The following ARHGAP10 variants were observed in gnomAD, a reference collection of about 807,000 sequenced individuals.
ARHGAP10 encodes the protein rho GTPase-activating protein 10.
A neutral mutation model predicts 108.6 loss-of-function variants in ARHGAP10; 87 were observed. The ratio of observed to expected loss-of-function variants is 0.80; its 90% CI spans 0.67 to 0.96. The LOEUF (loss-of-function observed/expected upper bound fraction) is 0.96. ARHGAP10 is among the 40% of genes least tolerant of loss of function. The pLI is 0.00. For missense variants in ARHGAP10, 939 were observed against 954.5 expected, an observed-to-expected ratio of 0.98 and a Z score of 0.21; for synonymous variants, 347 against 341.1, an observed-to-expected ratio of 1.02 and a Z score of -0.19.
At chr4:147,882,008 C>T in intron 10 of ARHGAP10, 76 bp downstream of exon 10, 1 of 1,335,592 alleles carries the variant, frequency 7.5e-7, no homozygotes, top group South Asian at 1.2e-5. Flanking sequence ...AGGTTAGTTG[C>T]AACTGTGATT....
chr4:148,000,735 G>A (rs1740683189), intron 18 of ARHGAP10, among the ~76,000 whole-genome samples: 1 of 152,214 alleles, frequency 6.6e-6, no homozygotes, highest in African/African-American at 2.4e-5. Context: ...CTTTTGAGAA[G>A]TGTCTGTTCG....
At chr4:147,992,038 C>T (rs1049931279) in intron 18 of ARHGAP10, among the ~76,000 whole-genome samples, 13 of 152,158 alleles carry the variant, frequency 8.5e-5, no homozygotes, top group South Asian at 2.1e-4. Flanking sequence ...GTGGCCATTA[C>T]GGGTTAAGGA....
At chr4:147,781,168 C>T (rs1027577998) in intron 1 of ARHGAP10, among the ~76,000 whole-genome samples, 1 of 152,016 alleles carries the variant, frequency 6.6e-6, no homozygotes, top group African/African-American at 2.4e-5. Flanking sequence ...ACCATTCTGG[C>T]TAACATGGTG....
intron 22 of ARHGAP10, among the ~76,000 whole-genome samples, chr4:148,068,405 T>C (rs1729998297): frequency 6.6e-6 from 1 of 152,098 alleles, no homozygotes; most frequent in Admixed American, 6.5e-5. Flanking sequence ...TGGAAAACAA[T>C]TTGGCATTAT....
intron 1 of ARHGAP10, among the ~76,000 whole-genome samples, chr4:147,737,301 C>T (rs929733140): frequency 1.3e-5 from 2 of 151,750 alleles, no homozygotes; most frequent in Non-Finnish European, 2.9e-5. Flanking sequence ...CGGGCACGCG[C>T]CACCATGCCC....
intron 19 of ARHGAP10, among the ~76,000 whole-genome samples, chr4:148,038,502 T>C (rs918352255): frequency 3.3e-5 from 5 of 152,208 alleles, no homozygotes; most frequent in African/African-American, 1.2e-4. Flanking sequence ...AGGTGTTGAT[T>C]CTTGAGGGTA....
chr4:147,870,928 C>CTATGTG (rs980899526), intron 7 of ARHGAP10, among the ~76,000 whole-genome samples: 5 of 139,156 alleles, frequency 3.6e-5, no homozygotes, highest in African/African-American at 1.3e-4. Context: ...AAACTACAGA[C>CTATGTG]TGTGTGTGTG....
intron 10 of ARHGAP10, among the ~76,000 whole-genome samples, chr4:147,886,271 A>G (rs1735553761): frequency 6.6e-6 from 1 of 152,226 alleles, no homozygotes; most frequent in Non-Finnish European, 1.5e-5. Context: ...TGGTAATTTC[A>G]GTATGGCTTC....
At chr4:148,043,652 T>TATATATATATATA (rs1728740400) in intron 19 of ARHGAP10, among the ~76,000 whole-genome samples, 2 of 111,664 alleles carry the variant, frequency 1.8e-5, no homozygotes, top group Non-Finnish European at 3.8e-5. Flanking sequence ...TATATATATA[T>TATATATATATATA]TTTAGGTGTA....
chr4:148,005,772 G>A (rs1480376809), intron 18 of ARHGAP10, among the ~76,000 whole-genome samples: 1 of 152,118 alleles, frequency 6.6e-6, no homozygotes, highest in Non-Finnish European at 1.5e-5. Context: ...CTTGTCCTTC[G>A]ATGACAAAAA....
chr4:147,963,032 C>G (rs17579683), intron 16 of ARHGAP10, among the ~76,000 whole-genome samples: 2,494 of 152,228 alleles, frequency 0.016, 52 homozygotes, highest in South Asian at 0.09. Flanking sequence ...TTTTCCTATT[C>G]TAATCCATCC....
intron 16 of ARHGAP10, among the ~76,000 whole-genome samples, chr4:147,957,675 A>G (rs1738834782): frequency 6.6e-6 from 1 of 152,128 alleles, no homozygotes; most frequent in African/African-American, 2.4e-5. Flanking sequence ...GTGATGAGAT[A>G]GTTTCTTCTC....
intron 20 of ARHGAP10, among the ~76,000 whole-genome samples, chr4:148,053,902 GTTTTAT>G (rs1199726699): frequency 6.6e-6 from 1 of 152,112 alleles, no homozygotes; most frequent in African/African-American, 2.4e-5. Flanking sequence ...AAATTTGGAG[GTTTTAT>G]TTTTAAGTCA....
chr4:147,912,531 A>AAC (rs1250767433), intron 12 of ARHGAP10, among the ~76,000 whole-genome samples: 7 of 137,828 alleles, frequency 5.1e-5, no homozygotes, highest in African/African-American at 2.1e-4. Flanking sequence ...CAAAAACAAA[A>AAC]AACAAACAAA....
chr4:147,979,053 T>G (rs1198925719), intron 18 of ARHGAP10, among the ~76,000 whole-genome samples: 1 of 152,204 alleles, frequency 6.6e-6, no homozygotes, highest in East Asian at 1.9e-4. Flanking sequence ...GCAGAAGCCC[T>G]TTAGATTAAG....
At chr4:147,969,294 T>C (rs1361198132) in intron 18 of ARHGAP10, among the ~76,000 whole-genome samples, 1 of 151,736 alleles carries the variant, frequency 6.6e-6, no homozygotes, top group Non-Finnish European at 1.5e-5. Flanking sequence ...AAAAGCAGCT[T>C]GTTTATGGAT....
At position 147,889,170 on chromosome 4, in the gene ARHGAP10, T is replaced by G. The variant is rs929917376; in HGVS notation, c.1034+7238T>G. Among the ~76,000 whole-genome samples, 21 of 152,244 alleles carry G rather than the reference T, an allele frequency of 1.4e-4. 1 individual carries two copies. Among genetic ancestry groups the G allele is most frequent in the Non-Finnish European group, 2.6e-4 (18 of 68,030 alleles). On this transcript the variant is annotated intron_variant, in intron 10 of 22. Transcript: ENST00000336498. ...CTGTCAGTCAACTATCCTTTTCTTCTGCACCACACCGCTATACTGTGAGCT... is the reference window on the plus strand; with the variant it reads ...CTGTCAGTCAACTATCCTTTTCTTCGGCACCACACCGCTATACTGTGAGCT...
chr4:147,798,952 T>C lies in ARHGAP10; in HGVS notation c.155-23775T>C, dbSNP rs1731465545. ...TTCTCACAGCCTGCTTTCAAGCAGA[T>C]TTTTTTCTTTGTCTTTAGTTTTCAG... On this transcript the variant is annotated intron_variant, in intron 1 of 22. Coordinates refer to ENST00000336498, the MANE Select transcript of ARHGAP10 (RefSeq NM_024605.4). 2.0e-5 allele frequency among the ~76,000 whole-genome samples: 3 copies of C among 151,766 alleles called. No individual in the cohort carries two copies. The South Asian group carries it at 6.2e-4, about 31-fold the overall frequency.
At chr4:147,793,279 A>C (rs997143326) in intron 1 of ARHGAP10, among the ~76,000 whole-genome samples, 2 of 151,346 alleles carry the variant, frequency 1.3e-5, no homozygotes, top group Admixed American at 1.3e-4. Context: ...AATACTTAGC[A>C]ATATTGGGGT....
Sources: allele counts gnomAD v4.1 joint callset (sites outside exome capture counted in the v4.1 genomes callset), GRCh38; gene constraint gnomAD v4.1.1; transcripts MANE v1.5; gene names NCBI Gene and HGNC (gene_info 2026-07-23, HGNC 2026-07-21).